CSMD1: variants seen among roughly 807,000 people sequenced by gnomAD.
CSMD1 encodes the protein CUB and sushi domain-containing protein 1.
In CSMD1, 213 loss-of-function variants were observed where a neutral mutation model predicts 417.5. The observed-to-expected ratio is 0.51, with a 90% CI of 0.46 to 0.57. The LOEUF (loss-of-function observed/expected upper bound fraction) is 0.57, where lower values mean the gene tolerates loss of function less well. Among genes scored for constraint, CSMD1 ranks in the 20% least tolerant of loss-of-function variants. The pLI is 0.00. For synonymous variants in CSMD1, 2,862 were observed against 1,736.8 expected, an observed-to-expected ratio of 1.65 and a Z score of -16.11; for missense variants, 6,923 against 4,529.7, an observed-to-expected ratio of 1.53 and a Z score of -15.17.
intron 3 of CSMD1, among the ~76,000 whole-genome samples, chr8:4,278,998 A>G (rs1381266088): frequency 2.0e-5 from 3 of 152,190 alleles, no homozygotes; most frequent in Admixed American, 6.5e-5. Context: ...TGTTATAACT[A>G]TTTACTGACA....
intron 2 of CSMD1, among the ~76,000 whole-genome samples, chr8:4,631,477 G>C (rs1802510412): frequency 6.6e-6 from 1 of 150,460 alleles, no homozygotes; most frequent in Non-Finnish European, 1.5e-5. Flanking sequence ...AGACAGAAAA[G>C]CAGAATTTAG....
chr8:4,867,925 C>G (rs1802512364), intron 1 of CSMD1, among the ~76,000 whole-genome samples: 1 of 149,780 alleles, frequency 6.7e-6, no homozygotes. Context: ...AGCTAAGACC[C>G]TACTGTCTAC....
At chr8:3,646,243 A>G (rs1797564991) in intron 7 of CSMD1, among the ~76,000 whole-genome samples, 1 of 152,170 alleles carries the variant, frequency 6.6e-6, no homozygotes, top group Admixed American at 6.5e-5. Context: ...ATAGAAAAAG[A>G]AACGTGATAT....
rs753228331 is a variant in CSMD1, at chr8:3,367,086, G to A, written c.3061C>T (p.Arg1021Trp). 5.0e-6 allele frequency: 8 copies of A among 1,613,686 alleles called. No individual in the cohort carries two copies. Among genetic ancestry groups the A allele is most frequent in the African/African-American group, 4.0e-5 (3 of 74,922 alleles). ...GLFGNFTAQL[R>W]FISDFSISYE... Reference sequence around the variant, plus strand: ...GAAATTGAGAAGTCTGATATAAACCGAAGCTGGGCAGTGAAGTTTCCAAAC... The same window carrying A: ...GAAATTGAGAAGTCTGATATAAACCAAAGCTGGGCAGTGAAGTTTCCAAAC... Residue 1021 changes from arginine to tryptophan, a missense_variant, in exon 20 of 70, where the codon CGG (arginine) becomes TGG (tryptophan). Transcript: ENST00000635120.
chr8:3,942,669 T>C (rs1810962194), intron 5 of CSMD1, among the ~76,000 whole-genome samples: 1 of 152,164 alleles, frequency 6.6e-6, no homozygotes, highest in Non-Finnish European at 1.5e-5. Flanking sequence ...TGTTTATGAT[T>C]TATAGGTCCT....
chr8:4,855,155 C>G (rs1311826886), intron 1 of CSMD1, among the ~76,000 whole-genome samples: 1 of 151,072 alleles, frequency 6.6e-6, no homozygotes, highest in Non-Finnish European at 1.5e-5. Flanking sequence ...CAGGGGCACA[C>G]TGACACCTCA....
At chr8:3,232,110 C>T (rs559870668) in intron 26 of CSMD1, among the ~76,000 whole-genome samples, 17 of 152,314 alleles carry the variant, frequency 1.1e-4, no homozygotes, top group Admixed American at 8.5e-4. Context: ...ATGATCAATG[C>T]GTAGAACATA....
At chr8:4,772,078 C>A (rs1023222879) in intron 1 of CSMD1, among the ~76,000 whole-genome samples, 1 of 152,234 alleles carries the variant, frequency 6.6e-6, no homozygotes, top group Admixed American at 6.5e-5. Context: ...GGCTGTATTT[C>A]TTCCTGCAGG....
At chr8:3,418,020 C>T (rs1194002904) in intron 12 of CSMD1, among the ~76,000 whole-genome samples, 1 of 152,158 alleles carries the variant, frequency 6.6e-6, no homozygotes, top group East Asian at 1.9e-4. Flanking sequence ...TTACAGTGGC[C>T]TGTGCTTGTT....
At chr8:3,549,282 G>A (rs188285318) in intron 10 of CSMD1, among the ~76,000 whole-genome samples, 5 of 152,240 alleles carry the variant, frequency 3.3e-5, no homozygotes, top group Admixed American at 6.5e-5. Flanking sequence ...GTGACTGTGT[G>A]TCCTGCAAAA....
intron 12 of CSMD1, among the ~76,000 whole-genome samples, chr8:3,456,706 T>C (rs1469674206): frequency 6.6e-6 from 1 of 152,128 alleles, no homozygotes; most frequent in East Asian, 1.9e-4. Flanking sequence ...GAGCTTCCCA[T>C]AAAGACGAAA....
At position 3,813,663 on chromosome 8, in the gene CSMD1, T is replaced by A. The variant is rs556557129; in HGVS notation, c.819-59621A>T. 5.0e-4 allele frequency among the ~76,000 whole-genome samples: 76 copies of A among 152,314 alleles called. 3 individuals carry two copies. In the South Asian group the frequency reaches 0.013, roughly 26 times the overall value. On this transcript the variant is annotated intron_variant, in intron 5 of 69. Coordinates refer to ENST00000635120, the MANE Select transcript of CSMD1 (RefSeq NM_033225.6). ...ATTATGTTAATTATACAAAATTATTTAAGTGGCTTAAAAGCCCTGTACTTT... is the reference window on the plus strand; with the variant it reads ...ATTATGTTAATTATACAAAATTATTAAAGTGGCTTAAAAGCCCTGTACTTT...
chr8:3,593,976 A>G (rs1361954058), intron 8 of CSMD1, among the ~76,000 whole-genome samples: 2 of 152,224 alleles, frequency 1.3e-5, no homozygotes, highest in African/African-American at 4.8e-5. Context: ...TTTTCTGGAA[A>G]CGCTATTAGA....
At chr8:4,400,767 T>TC (rs1219250335) in intron 3 of CSMD1, among the ~76,000 whole-genome samples, 1 of 151,952 alleles carries the variant, frequency 6.6e-6, no homozygotes, top group Admixed American at 6.6e-5. Flanking sequence ...ATCAGTTTTT[T>TC]TTTTTTTTTC....
intron 33 of CSMD1, among the ~76,000 whole-genome samples, chr8:3,198,357 T>C (rs939883498): frequency 2.0e-5 from 3 of 152,238 alleles, no homozygotes; most frequent in South Asian, 2.1e-4. Context: ...GGTCTAAACG[T>C]GATTCTGCTT....
At position 3,564,139 on chromosome 8, in the gene CSMD1, G is replaced by C. The variant is rs533559934; in HGVS notation, c.1344+10806C>G. 9.2e-5 allele frequency among the ~76,000 whole-genome samples: 14 copies of C among 152,204 alleles called. No individual in the cohort carries two copies. The East Asian group carries it at 1.9e-3, about 21-fold the overall frequency. ...TCACTTCAAACATGTATCTTTCCTT[G>C]TGTTTGGAAGATTGAAATTATTTTC... is the stretch of plus-strand genomic sequence containing the variant. On this transcript the variant is annotated intron_variant, in intron 10 of 69. Coordinates refer to ENST00000635120, the MANE Select transcript of CSMD1 (RefSeq NM_033225.6).
intron 6 of CSMD1, among the ~76,000 whole-genome samples, chr8:3,722,508 T>C (rs953931584): frequency 1.3e-5 from 2 of 152,170 alleles, no homozygotes; most frequent in Non-Finnish European, 2.9e-5. Flanking sequence ...GCAGGGTCTG[T>C]CTTACCTTTG....
rs1233124517 is a variant in CSMD1 at position 4,959,709 on chromosome 8, T to C, written c.85+34623A>G. ...AAAACCCTCCAATAGTTCTCTCAGT[T>C]CACGGAATGTCAAAATCCTAATGAC... is the stretch of plus-strand genomic sequence containing the variant. On this transcript the variant is annotated intron_variant, in intron 1 of 69. Transcript: ENST00000635120. Among the ~76,000 whole-genome samples the C allele has an allele frequency of 2.0e-5, 3 of 152,214 alleles. No individual in the cohort carries two copies. In the East Asian group the frequency reaches 5.8e-4, roughly 29 times the overall value.
chr8:4,045,740 C>G (rs986182797), intron 3 of CSMD1, among the ~76,000 whole-genome samples: 2 of 152,170 alleles, frequency 1.3e-5, no homozygotes, highest in South Asian at 2.1e-4. Context: ...CGTGTGAACA[C>G]CAGTGAACTG....
Sources: allele counts gnomAD v4.1 joint callset (sites outside exome capture counted in the v4.1 genomes callset), GRCh38; gene constraint gnomAD v4.1.1; transcripts MANE v1.5; gene names NCBI Gene and HGNC (gene_info 2026-07-23, HGNC 2026-07-21).